FGF13: variants seen among roughly 807,000 people sequenced by gnomAD.
The protein encoded by FGF13 is fibroblast growth factor homologous factor 2.
A neutral mutation model predicts 19.5 loss-of-function variants in FGF13; 2 were observed. That is an observed-to-expected ratio of 0.10 (90% CI 0.04 to 0.32). FGF13 has a LOEUF of 0.32. FGF13 is among the 10% of genes least tolerant of loss of function. The pLI is 1.00. For missense variants in FGF13, 113 were observed against 192.7 expected (o/e 0.59, Z 2.45); for synonymous variants, 72 against 76.9 (o/e 0.94, Z 0.33).
chrX:138,714,038 A>C (rs960976590), upstream of FGF13: 1 of 111,171 alleles, frequency 9.0e-6, no homozygotes, highest in African/African-American at 3.3e-5. Flanking sequence ...GGGAGGGGGA[A>C]CGAGACTCTC....
At chrX:139,067,368 G>C (rs1186677265) in intron 1 of FGF13, among the ~76,000 whole-genome samples, 1 of 111,810 alleles carries the variant, frequency 8.9e-6, no homozygotes, top group Non-Finnish European at 1.9e-5. Flanking sequence ...TGACATGATT[G>C]TATATTTAGA....
chrX:138,842,662 A>C (rs763744911), intron 3 of FGF13, among the ~76,000 whole-genome samples: 1 of 111,106 alleles, frequency 9.0e-6, no homozygotes, highest in African/African-American at 3.3e-5. Context: ...TTTGCTCCTT[A>C]TGGGATATTT....
intron 3 of FGF13, among the ~76,000 whole-genome samples, chrX:138,829,340 T>C (rs974123315): frequency 1.7e-4 from 19 of 110,374 alleles, no homozygotes; most frequent in Admixed American, 7.7e-4. Flanking sequence ...CCCTGGGGGG[T>C]GAGTTATTAC....
chrX:138,887,098 C>A (rs765648498), intron 1 of FGF13, among the ~76,000 whole-genome samples: 2 of 111,740 alleles, frequency 1.8e-5, no homozygotes, highest in South Asian at 7.6e-4. Flanking sequence ...TCCTATAACC[C>A]TAAATTACTA....
At chrX:138,946,391 T>C (rs976387934) in intron 1 of FGF13, among the ~76,000 whole-genome samples, 1 of 111,906 alleles carries the variant, frequency 8.9e-6, no homozygotes, top group African/African-American at 3.2e-5. Flanking sequence ...ATGGTCCCAA[T>C]TCGACATAAT....
intron 3 of FGF13, among the ~76,000 whole-genome samples, chrX:138,828,568 T>C (rs1433982352): frequency 4.1e-5 from 3 of 73,743 alleles, no homozygotes; most frequent in African/African-American, 6.1e-5. Context: ...AGACTCCGTC[T>C]CAAAAAAAAA....
intron 3 of FGF13, among the ~76,000 whole-genome samples, chrX:138,664,366 T>C (rs774618519): frequency 1.8e-5 from 2 of 111,736 alleles, no homozygotes; most frequent in South Asian, 7.4e-4. Flanking sequence ...TTACTTCAAA[T>C]TATTAGTCAG....
intron 1 of FGF13, among the ~76,000 whole-genome samples, chrX:138,731,683 G>A (rs983254393): frequency 1.8e-5 from 2 of 110,575 alleles, no homozygotes; most frequent in African/African-American, 3.3e-5. Flanking sequence ...TAATAAAAAT[G>A]AGAAAGGAAA....
chrX:138,968,095 A>G (rs904155148), intron 1 of FGF13, among the ~76,000 whole-genome samples: 2 of 111,829 alleles, frequency 1.8e-5, no homozygotes, highest in African/African-American at 6.5e-5. Flanking sequence ...CCCCTCAGGA[A>G]CATGATTAAA....
intron 2 of FGF13, among the ~76,000 whole-genome samples, chrX:138,860,047 A>G (rs2091280282): frequency 9.1e-6 from 1 of 110,035 alleles, no homozygotes; most frequent in Admixed American, 9.8e-5. Context: ...AGCAAAACAG[A>G]AAAAAAAAGA....
intron 3 of FGF13, among the ~76,000 whole-genome samples, chrX:138,637,039 C>T (rs908281986): frequency 9.0e-5 from 10 of 111,710 alleles, no homozygotes; most frequent in Non-Finnish European, 1.9e-4. Flanking sequence ...TGCCTAATCT[C>T]CCCCCATCTT....
chrX:138,777,898 G>A (rs760405709), intron 3 of FGF13, among the ~76,000 whole-genome samples: 4 of 108,892 alleles, frequency 3.7e-5, no homozygotes, highest in Non-Finnish European at 7.6e-5. Context: ...TCCAGGAAAC[G>A]CAAAACATAA....
upstream of FGF13, among the ~76,000 whole-genome samples, chrX:138,740,448 T>C (rs895302002): frequency 1.8e-5 from 2 of 112,043 alleles, no homozygotes; most frequent in African/African-American, 6.5e-5. Flanking sequence ...AAAATTGCCT[T>C]GTGCTCTCTC....
At chrX:139,011,843 G>T (rs2092129821) in intron 1 of FGF13, among the ~76,000 whole-genome samples, 1 of 111,469 alleles carries the variant, frequency 9.0e-6, no homozygotes. Context: ...AGCCAGAGCA[G>T]TCAGACAAGA....
intron 1 of FGF13, among the ~76,000 whole-genome samples, chrX:138,964,902 T>G (rs1294704549): frequency 1.8e-5 from 2 of 111,527 alleles, no homozygotes; most frequent in Non-Finnish European, 3.8e-5. Flanking sequence ...AGGCCTCGCC[T>G]CCAACACTGA....
At chrX:138,739,319 G>A (rs1441082471) in exon 1 of FGF13, 1 of 1,184,768 alleles carries the variant, frequency 8.4e-7, no homozygotes, top group Admixed American at 2.3e-5. Flanking sequence ...TACATTTGGA[G>A]CAGACACAGA....
chrX:138,793,774 AT>A (rs1432958426), intron 3 of FGF13, among the ~76,000 whole-genome samples: 1 of 112,019 alleles, frequency 8.9e-6, no homozygotes, highest in Non-Finnish European at 1.9e-5. Context: ...GGTCACAGTT[AT>A]TTTGAGCTAA....
chrX:138,735,836 G>T (rs780686356), intron 1 of FGF13, among the ~76,000 whole-genome samples: 79 of 111,858 alleles, frequency 7.1e-4, no homozygotes, highest in Non-Finnish European at 1.1e-3. Context: ...ACTTTCAAAT[G>T]GATAAATTAA....
chrX:138,764,097 T>C (rs2090487710), intron 3 of FGF13, among the ~76,000 whole-genome samples: 1 of 111,586 alleles, frequency 9.0e-6, no homozygotes, highest in African/African-American at 3.3e-5. Flanking sequence ...GACCCTGAGC[T>C]GAGAAGCCCC....
Sources: gnomAD v4.1 joint callset for allele counts (sites outside exome capture counted in the v4.1 genomes callset) on GRCh38, gnomAD v4.1.1 for gene constraint, MANE v1.5 for transcripts, NCBI Gene and HGNC (gene_info 2026-07-23, HGNC 2026-07-21) for gene names.